FRMD6: variants seen among roughly 807,000 people sequenced by gnomAD.
The protein encoded by FRMD6 is FERM domain containing 6, also known as FERM domain-containing protein 6.
FRMD6 carries 37 observed loss-of-function variants against 73.2 expected under a neutral mutation model. That is an observed-to-expected ratio of 0.51 (90% CI 0.39 to 0.66). FRMD6 has a LOEUF of 0.66. Among genes scored for constraint, FRMD6 ranks in the 30% least tolerant of loss-of-function variants. The pLI is 0.00. For missense variants in FRMD6, 714 were observed against 780.5 expected, an observed-to-expected ratio of 0.91 and a Z score of 1.02; for synonymous variants, 273 against 282.2, an observed-to-expected ratio of 0.97 and a Z score of 0.33.
intron 1 of FRMD6, chr14:51,523,076 CCT>C (rs947927441): frequency 2.0e-5 from 3 of 152,088 alleles, no homozygotes; most frequent in African/African-American, 7.2e-5. Context: ...TATTTTTTAA[CCT>C]CTCTGTAGTT....
chr14:51,459,535 A>G, the FRMD6 span, among the ~76,000 whole-genome samples: 8 of 152,134 alleles, frequency 5.3e-5, no homozygotes, highest in Admixed American at 3.9e-4. Flanking sequence ...CCTTGTTTCA[A>G]TTATACCTTA....
chr14:51,485,799 T>G (rs555489810), upstream of FRMD6, among the ~76,000 whole-genome samples: 100 of 152,334 alleles, frequency 6.6e-4, no homozygotes, highest in African/African-American at 2.4e-3. Flanking sequence ...TTTATATGGC[T>G]GTATTTTTCT....
chr14:51,488,734 T>A (rs984878056), upstream of FRMD6, among the ~76,000 whole-genome samples: 1 of 152,266 alleles, frequency 6.6e-6, no homozygotes, highest in African/African-American at 2.4e-5. Context: ...TAATCCTTGC[T>A]ACTCCTTTCC....
chr14:51,429,424 ATTT>A, the FRMD6 span, among the ~76,000 whole-genome samples: 744 of 151,620 alleles, frequency 4.9e-3, 7 homozygotes, highest in African/African-American at 0.017. Flanking sequence ...AGTCATGAAG[ATTT>A]TTTTTTGTTT....
chr14:51,611,021 A>G (rs1355680761), intron 2 of FRMD6, among the ~76,000 whole-genome samples: 1 of 152,192 alleles, frequency 6.6e-6, no homozygotes, highest in Non-Finnish European at 1.5e-5. Context: ...AGAATGTGCC[A>G]GAACAAATAC....
chr14:51,615,851 A>G (rs1019294267), intron 2 of FRMD6, among the ~76,000 whole-genome samples: 1 of 152,218 alleles, frequency 6.6e-6, no homozygotes. Flanking sequence ...TGGTATTCCA[A>G]GGAGAATATA....
In FRMD6 at chr14:51,715,385, A is replaced by G; in HGVS notation, c.910A>G (p.Thr304Ala). The part of the protein sequence containing the change: ...LPSARKLIYY[T>A]GCPMRSRHLL... ...TTCTGCCCGGAAGCTCATATACTAC[A>G]CGGGGTGCCCCATGCGCTCCAGACA... The change falls in exon 10 of 14, where the codon ACG (threonine) becomes GCG (alanine). Residue 304 changes from threonine (T) to alanine (A), a missense_variant. Thr to Ala is a moderately conservative substitution (Grantham distance 58). Coordinates refer to ENST00000344768, the MANE Select transcript of FRMD6 (RefSeq NM_001267046.2). 1.9e-6 allele frequency: 3 copies of G among 1,613,522 alleles called. No individual in the cohort carries two copies. Among genetic ancestry groups the G allele is most frequent in the Non-Finnish European group, 2.5e-6 (3 of 1,179,674 alleles).
chr14:51,483,008 G>A, the FRMD6 span, among the ~76,000 whole-genome samples: 1 of 152,094 alleles, frequency 6.6e-6, no homozygotes, highest in African/African-American at 2.4e-5. Flanking sequence ...GGCCTTGGTT[G>A]GTTTTTAATG....
intron 2 of FRMD6, among the ~76,000 whole-genome samples, chr14:51,630,547 T>G (rs1025453819): frequency 3.3e-5 from 5 of 152,120 alleles, no homozygotes; most frequent in African/African-American, 1.2e-4. Context: ...GCCAGGCATT[T>G]GAGACCAGCC....
At chr14:51,566,668 T>C (rs1887791618) in intron 1 of FRMD6, among the ~76,000 whole-genome samples, 1 of 152,204 alleles carries the variant, frequency 6.6e-6, no homozygotes, top group African/African-American at 2.4e-5. Flanking sequence ...TTATACCCAA[T>C]GTATCCGGTT....
the FRMD6 span, among the ~76,000 whole-genome samples, chr14:51,446,726 G>A: frequency 1.3e-4 from 20 of 152,308 alleles, no homozygotes; most frequent in East Asian, 3.5e-3. Flanking sequence ...GAAGTTTACA[G>A]TGCAGTGAAA....
chr14:51,538,944 A>G (rs1162251087), intron 1 of FRMD6, among the ~76,000 whole-genome samples: 1 of 152,164 alleles, frequency 6.6e-6, no homozygotes, highest in East Asian at 1.9e-4. Flanking sequence ...CTGTAGATCA[A>G]TTTGGGGAGT....
At chr14:51,685,274 T>C (rs555148735) in intron 1 of FRMD6, among the ~76,000 whole-genome samples, 2 of 152,284 alleles carry the variant, frequency 1.3e-5, no homozygotes, top group African/African-American at 4.8e-5. Context: ...ATTTAGATGT[T>C]TCCTTAAATA....
intron 9 of FRMD6, chr14:51,714,251 G>C (rs968632930): frequency 3.9e-5 from 6 of 152,026 alleles, no homozygotes; most frequent in Non-Finnish European, 8.8e-5. Flanking sequence ...ATAAATGTCA[G>C]TTGTTACTAT....
chr14:51,536,095 T>TAGAGAGAG (rs1262597387), intron 1 of FRMD6, among the ~76,000 whole-genome samples: 1 of 138,938 alleles, frequency 7.2e-6, no homozygotes, highest in Non-Finnish European at 1.5e-5. Flanking sequence ...TATATATATA[T>TAGAGAGAG]ATAGAGAGAG....
chr14:51,425,727 C>T, the FRMD6 span, among the ~76,000 whole-genome samples: 12 of 152,296 alleles, frequency 7.9e-5, no homozygotes, highest in Middle Eastern at 3.4e-3. Flanking sequence ...AGATAACCTA[C>T]CCCAGACCAC....
chr14:51,536,937 AC>A (rs1326131860), intron 1 of FRMD6, among the ~76,000 whole-genome samples: 1 of 151,994 alleles, frequency 6.6e-6, no homozygotes, highest in East Asian at 1.9e-4. Flanking sequence ...TATCCTGACT[AC>A]CCCCTGCCCC....
chr14:51,671,041 G>T (rs763110733), intron 1 of FRMD6, among the ~76,000 whole-genome samples: 1 of 152,166 alleles, frequency 6.6e-6, no homozygotes, highest in Non-Finnish European at 1.5e-5. Flanking sequence ...TTCATCTTTT[G>T]TGGTGAGTAA....
chr14:51,525,967 C>G (rs79960531), intron 1 of FRMD6, among the ~76,000 whole-genome samples: 10,670 of 152,142 alleles, frequency 0.07, 490 homozygotes, highest in East Asian at 0.24. Context: ...GCTCAGAGTC[C>G]TGGCAGGGCA....
Sources: gnomAD v4.1 joint callset for allele counts (sites outside exome capture counted in the v4.1 genomes callset) on GRCh38, gnomAD v4.1.1 for gene constraint, MANE v1.5 for transcripts, NCBI Gene and HGNC (gene_info 2026-07-23, HGNC 2026-07-21) for gene names.